TOM1L1: variants seen among roughly 807,000 people sequenced by gnomAD.
The protein encoded by TOM1L1 is TOM1-like protein 1.
TOM1L1 carries 64 observed loss-of-function variants against 63.4 expected under a neutral mutation model. The observed-to-expected ratio is 1.01, with a 90% CI of 0.83 to 1.24. The LOEUF (loss-of-function observed/expected upper bound fraction) is 1.24, where lower values mean the gene tolerates loss of function less well. Among genes scored for constraint, TOM1L1 ranks in the 50% most tolerant of loss-of-function variants. The probability of loss-of-function intolerance (pLI) is 0.00; values close to 1 mark genes in which losing one functional copy is unlikely to be tolerated. For synonymous variants in TOM1L1, 166 were observed against 194.4 expected (o/e 0.85, Z 1.22); for missense variants, 536 against 567.0 (o/e 0.95, Z 0.55).
chr17:54,936,395 T>A, intron 8 of TOM1L1: 1 of 337,816 alleles, frequency 3.0e-6, no homozygotes, highest in Non-Finnish European at 5.3e-6. Context: ...AATACTGGAA[T>A]AATGTTAATA....
intron 14 of TOM1L1, chr17:54,952,426 A>G (rs2049280318): frequency 1.3e-5 from 2 of 151,856 alleles, no homozygotes; most frequent in African/African-American, 2.4e-5. Flanking sequence ...GCGCACCTGT[A>G]GTCCCAGCTA....
At chr17:54,955,913 C>CT (rs1255714069) in intron 14 of TOM1L1, among the ~76,000 whole-genome samples, 1 of 152,160 alleles carries the variant, frequency 6.6e-6, no homozygotes, top group Non-Finnish European at 1.5e-5. Flanking sequence ...CAGTGGACTA[C>CT]ACTAGACACC....
At chr17:54,916,230 C>T (rs1205391826) in intron 7 of TOM1L1, 1 of 297,174 alleles carries the variant, frequency 3.4e-6, no homozygotes, top group African/African-American at 2.2e-5. Flanking sequence ...CTATTCTAGT[C>T]CTTAAGAGTT....
intron 14 of TOM1L1, chr17:54,955,145 T>G (rs2049431982): frequency 6.6e-6 from 1 of 152,196 alleles, no homozygotes; most frequent in Non-Finnish European, 1.5e-5. Context: ...ACAACTCAGC[T>G]TGAATACTTC....
At chr17:54,935,601 T>C (rs1445232006) in intron 8 of TOM1L1, among the ~76,000 whole-genome samples, 1 of 152,134 alleles carries the variant, frequency 6.6e-6, no homozygotes, top group Non-Finnish European at 1.5e-5. Context: ...TCTGAGCAAA[T>C]AGTTCAAATG....
chr17:54,903,574 C>G (rs1252735091), intron 1 of TOM1L1, 134 bp from the exon 2 acceptor site: 2 of 767,222 alleles, frequency 2.6e-6, no homozygotes, highest in East Asian at 2.7e-5. Flanking sequence ...AGAACTGTTC[C>G]AAAAAAAATC....
intron 7 of TOM1L1, chr17:54,917,121 G>C (rs1474370890): frequency 2.0e-5 from 3 of 152,084 alleles, no homozygotes; most frequent in African/African-American, 7.2e-5. Flanking sequence ...GTACATGTGT[G>C]CAGATGTTTG....
In TOM1L1 at chr17:54,947,297, C is replaced by T; in HGVS notation, c.1167C>T (p.Ser389=). Residue 389 remains serine, a synonymous_variant, in exon 12 of 16, where the codon AGC becomes AGT. Transcript: ENST00000575882. ...GGACCAGCCAAAACCTCACCTCAAG[C>T]CACGCATATGATAATGTAAGTAACA... ...AQRTSQNLTS[S]HAYDNFLEHS... The T allele has an allele frequency of 1.2e-6, 2 of 1,614,140 alleles. No individual in the cohort carries two copies. Among genetic ancestry groups the T allele is most frequent in the Non-Finnish European group, 8.5e-7 (1 of 1,180,010 alleles).
At chr17:54,907,216 A>G (rs1047784568) in intron 3 of TOM1L1, among the ~76,000 whole-genome samples, 1 of 150,368 alleles carries the variant, frequency 6.7e-6, no homozygotes, top group Non-Finnish European at 1.5e-5. Context: ...AATGGAGAAG[A>G]CGGGAGAGAG....
In TOM1L1 at chr17:54,900,924, G is replaced by A; in HGVS notation, c.58+1G>A. The A allele has an allele frequency of 6.2e-7, 1 of 1,613,922 alleles. No homozygotes were observed. The highest frequency in any genetic ancestry group is 1.3e-5 in the African/African-American group (1 of 75,066). On this transcript the variant is annotated splice_donor_variant, in intron 1 of 15. Coordinates refer to ENST00000575882, the MANE Select transcript of TOM1L1 (RefSeq NM_005486.3). LOFTEE classifies it high-confidence loss of function. ...GCGACCTCCGTGGGCCACCTCATAG[G>A]TAAGGAGGCGCGGGGAGAGACGCCC...
rs1427535725 is a variant in TOM1L1 at position 54,955,335 on chromosome 17, AAGTG to A, written c.1370+5216_1370+5219del. 2.0e-5 allele frequency among the ~76,000 whole-genome samples: 3 copies of A among 152,254 alleles called. No homozygotes were observed. In the East Asian group the frequency reaches 5.8e-4, roughly 29 times the overall value. On this transcript the variant is annotated intron_variant, in intron 14 of 15. Transcript: ENST00000575882. The stretch of plus-strand genomic sequence containing the variant: ...TGGTGGGGAGGTAGGTAAATCAATC[AAGTG>A]AGTGAGGTGTTTCCTCAGAGAAAGC...
intron 14 of TOM1L1, among the ~76,000 whole-genome samples, chr17:54,958,730 CAAAA>C (rs61603848): frequency 8.0e-4 from 46 of 57,480 alleles, no homozygotes; most frequent in African/African-American, 2.0e-3. Context: ...AACTCCATCT[CAAAA>C]AAAAAAAAAA....
At chr17:54,954,764 G>A (rs2049409167) in intron 14 of TOM1L1, 1 of 152,216 alleles carries the variant, frequency 6.6e-6, no homozygotes, top group African/African-American at 2.4e-5. Flanking sequence ...TGGCAATATA[G>A]TTCCCTTTGG....
At chr17:54,926,762 T>G (rs949549010) in intron 7 of TOM1L1, among the ~76,000 whole-genome samples, 1 of 152,172 alleles carries the variant, frequency 6.6e-6, no homozygotes, top group African/African-American at 2.4e-5. Flanking sequence ...CATCTTTGAG[T>G]CCATCTCCCT....
At chr17:54,911,675 A>G (rs1598007951) in intron 3 of TOM1L1, among the ~76,000 whole-genome samples, 1 of 152,176 alleles carries the variant, frequency 6.6e-6, no homozygotes, top group African/African-American at 2.4e-5. Context: ...TACCCACATC[A>G]TCTTAGTTTA....
At position 54,961,124 on chromosome 17, in the gene TOM1L1, T is replaced by G; in HGVS notation, c.*2-111T>G. ...TGGAAGAAGCACATTCTTACCTTTC[T>G]TCTACTAGACTGTGACTCTCCAGCT... On this transcript the variant is annotated intron_variant, in intron 15 of 15. Coordinates refer to ENST00000575882, the MANE Select transcript of TOM1L1 (RefSeq NM_005486.3). 2.6e-6 allele frequency: 2 copies of G among 777,912 alleles called. 1 individual carries two copies. Among genetic ancestry groups the G allele is most frequent in the South Asian group, 3.1e-5 (2 of 64,104 alleles). The allele number at this position is 777,912 out of a possible 1,614,324, so 48.2% of individuals were successfully genotyped here.
In TOM1L1 at chr17:54,959,464, AC is replaced by A. The variant is rs1219684453; in HGVS notation, c.1371-1099del. On this transcript the variant is annotated intron_variant, in intron 14 of 15. Transcript: ENST00000575882. ...CTGCACTCCAGCCTGGGTGACAGTG[AC>A]CCTGTCTCAAAAAAAAGAAAAAAGA... is the stretch of plus-strand genomic sequence containing the variant. The A allele has an allele frequency of 2.0e-5, 3 of 152,114 alleles. No homozygotes were observed. In the East Asian group the frequency reaches 5.8e-4, roughly 29 times the overall value. 9.4% of individuals were successfully genotyped at this position (152,114 alleles called of 1,614,324 possible).
intron 7 of TOM1L1, among the ~76,000 whole-genome samples, chr17:54,928,482 G>T (rs529550645): frequency 2.0e-5 from 3 of 152,296 alleles, no homozygotes; most frequent in African/African-American, 7.2e-5. Flanking sequence ...TGAGTCCAAA[G>T]TTTTCTCTTT....
At chr17:54,938,259 C>A (rs751002589) in intron 10 of TOM1L1, among the ~76,000 whole-genome samples, 4 of 151,972 alleles carry the variant, frequency 2.6e-5, no homozygotes, top group Non-Finnish European at 5.9e-5. Flanking sequence ...TTTGGGAGGC[C>A]GAGTCAGGTG....
Sources: gnomAD v4.1 joint callset for allele counts (sites outside exome capture counted in the v4.1 genomes callset) on GRCh38, gnomAD v4.1.1 for gene constraint, MANE v1.5 for transcripts, NCBI Gene and HGNC (gene_info 2026-07-23, HGNC 2026-07-21) for gene names.